EPHB1: variants seen among roughly 807,000 people sequenced by gnomAD.
EPHB1 encodes ephrin type-B receptor 1.
In EPHB1, 30 loss-of-function variants were observed where a neutral mutation model predicts 94.4. That is an observed-to-expected ratio of 0.32 (90% CI 0.24 to 0.43). The LOEUF (loss-of-function observed/expected upper bound fraction) is 0.43. Ranked by LOEUF, EPHB1 falls within the 20% of genes least tolerant of loss-of-function variation. The pLI, the probability that EPHB1 is intolerant of heterozygous loss-of-function variation, is 1.00. For missense variants in EPHB1, 1,055 were observed against 1,308.3 expected, an observed-to-expected ratio of 0.81 and a Z score of 2.99; for synonymous variants, 522 against 489.1, an observed-to-expected ratio of 1.07 and a Z score of -0.89.
At chr3:135,198,511 C>G (rs1942679334) in intron 11 of EPHB1, among the ~76,000 whole-genome samples, 1 of 152,196 alleles carries the variant, frequency 6.6e-6, no homozygotes, top group South Asian at 2.1e-4. Flanking sequence ...CCTACAATTA[C>G]AGGTGCCTAT....
intron 3 of EPHB1, among the ~76,000 whole-genome samples, chr3:134,993,494 C>T (rs1934887296): frequency 1.3e-5 from 2 of 152,176 alleles, no homozygotes; most frequent in South Asian, 4.1e-4. Context: ...GAGAGCTTGG[C>T]CCGGGAGTTC....
chr3:135,011,616 C>T (rs952467167), intron 3 of EPHB1, among the ~76,000 whole-genome samples: 1 of 152,140 alleles, frequency 6.6e-6, no homozygotes, highest in Admixed American at 6.5e-5. Context: ...AGCCAGGAGG[C>T]AGTGAAGATG....
At chr3:135,018,987 A>G (rs546009487) in intron 3 of EPHB1, among the ~76,000 whole-genome samples, 1 of 151,934 alleles carries the variant, frequency 6.6e-6, no homozygotes, top group Admixed American at 6.5e-5. Flanking sequence ...GGCAGAGAGG[A>G]CAGGGGAGAG....
chr3:135,215,360 T>C (rs915543480), intron 12 of EPHB1, among the ~76,000 whole-genome samples: 5 of 152,000 alleles, frequency 3.3e-5, no homozygotes, highest in African/African-American at 1.2e-4. Flanking sequence ...ACAGGGTTTC[T>C]CCATGTTGGT....
chr3:135,123,253 T>C (rs1184665029), intron 4 of EPHB1, among the ~76,000 whole-genome samples: 1 of 152,204 alleles, frequency 6.6e-6, no homozygotes, highest in East Asian at 1.9e-4. Flanking sequence ...AGACAATAGT[T>C]CCTACTTCAA....
At chr3:134,882,765 C>CCTTTCTTTCTTTTTTCTTT (rs10635632) in intron 1 of EPHB1, among the ~76,000 whole-genome samples, 4,710 of 79,482 alleles carry the variant, frequency 0.059, 702 homozygotes, top group Middle Eastern at 0.08. Flanking sequence ...TTCCTTCCTT[C>CCTTTCTTTCTTTTTTCTTT]CTTTCTTTCT....
At chr3:134,895,054 A>G (rs2038061231) in intron 1 of EPHB1, among the ~76,000 whole-genome samples, 1 of 152,182 alleles carries the variant, frequency 6.6e-6, no homozygotes, top group Non-Finnish European at 1.5e-5. Context: ...GCACAACCAA[A>G]TCTTCTACTT....
intron 3 of EPHB1, among the ~76,000 whole-genome samples, chr3:135,061,809 C>T (rs969441802): frequency 6.6e-6 from 1 of 152,118 alleles, no homozygotes; most frequent in Non-Finnish European, 1.5e-5. Context: ...CATGTGTTCT[C>T]ATTGTTCAAT....
At chr3:134,925,430 A>T (rs1253659629) in intron 1 of EPHB1, among the ~76,000 whole-genome samples, 1 of 152,172 alleles carries the variant, frequency 6.6e-6, no homozygotes, top group Non-Finnish European at 1.5e-5. Context: ...GAAGGAATTA[A>T]CTTTGGCTAC....
intron 3 of EPHB1, among the ~76,000 whole-genome samples, chr3:135,004,055 G>A (rs1386437778): frequency 5.3e-5 from 8 of 151,854 alleles, no homozygotes; most frequent in South Asian, 4.2e-4. Context: ...TCCTAGTCTC[G>A]ATGGTCTTTT....
At chr3:135,003,826 A>G (rs1262668041) in intron 3 of EPHB1, among the ~76,000 whole-genome samples, 3 of 151,670 alleles carry the variant, frequency 2.0e-5, no homozygotes, top group Non-Finnish European at 2.9e-5. Context: ...ATCTTCCTCC[A>G]TCCTTTTATT....
intron 1 of EPHB1, among the ~76,000 whole-genome samples, chr3:134,830,538 C>G (rs1454163423): frequency 6.6e-6 from 1 of 151,980 alleles, no homozygotes; most frequent in Non-Finnish European, 1.5e-5. Context: ...AGATGGGGGT[C>G]TGGGCCGAGG....
At chr3:135,192,492 C>A in intron 10 of EPHB1, 84 bp from the exon 11 acceptor site, 3 of 1,494,514 alleles carry the variant, frequency 2.0e-6, no homozygotes, top group Non-Finnish European at 2.7e-6. Flanking sequence ...ACTTGGGGCA[C>A]CATTGTTCTC....
At chr3:135,049,441 T>A (rs1330482408) in intron 3 of EPHB1, among the ~76,000 whole-genome samples, 1 of 152,224 alleles carries the variant, frequency 6.6e-6, no homozygotes, top group Non-Finnish European at 1.5e-5. Flanking sequence ...GATGGTGGCA[T>A]CAACTGAGAA....
chr3:135,003,010 G>A (rs1458013966), intron 3 of EPHB1, among the ~76,000 whole-genome samples: 2 of 152,206 alleles, frequency 1.3e-5, no homozygotes, highest in Non-Finnish European at 2.9e-5. Context: ...GCTCTTGAAT[G>A]TGTTTGCTCT....
chr3:135,210,720 C>T (rs957708902), intron 12 of EPHB1, among the ~76,000 whole-genome samples: 12 of 152,212 alleles, frequency 7.9e-5, no homozygotes, highest in African/African-American at 2.9e-4. Context: ...GCCCTTCCAT[C>T]TCGTTCTCCA....
At chr3:134,884,144 C>A (rs1226016268) in intron 1 of EPHB1, among the ~76,000 whole-genome samples, 1 of 152,206 alleles carries the variant, frequency 6.6e-6, no homozygotes, top group Non-Finnish European at 1.5e-5. Context: ...GACTTCCAAG[C>A]CAGTGATGTC....
chr3:135,199,214 T>C (rs1164647753), intron 11 of EPHB1, among the ~76,000 whole-genome samples: 1 of 152,164 alleles, frequency 6.6e-6, no homozygotes, highest in Non-Finnish European at 1.5e-5. Flanking sequence ...GAGGAAATAA[T>C]AGACTGAATT....
intron 9 of EPHB1, among the ~76,000 whole-genome samples, chr3:135,167,366 T>C (rs1343725121): frequency 2.0e-5 from 3 of 152,204 alleles, no homozygotes; most frequent in African/African-American, 7.2e-5. Flanking sequence ...TGCCTTATCT[T>C]ATCCAATTGA....
Sources: gnomAD v4.1 joint callset for allele counts (sites outside exome capture counted in the v4.1 genomes callset) on GRCh38, gnomAD v4.1.1 for gene constraint, MANE v1.5 for transcripts, NCBI Gene and HGNC (gene_info 2026-07-23, HGNC 2026-07-21) for gene names.